The following MYH11 variants were observed in gnomAD, a reference collection of about 807,000 sequenced individuals.
MYH11 encodes myosin heavy chain 11.
A neutral mutation model predicts 246.6 loss-of-function variants in MYH11; 80 were observed. That is an observed-to-expected ratio of 0.32 (90% CI 0.27 to 0.39). MYH11 has a LOEUF of 0.39. Among genes scored for constraint, MYH11 ranks in the 10% least tolerant of loss-of-function variants. MYH11 has a pLI of 1.00. For synonymous variants in MYH11, 1,071 were observed against 1,015.5 expected, an observed-to-expected ratio of 1.05 and a Z score of -1.04; for missense variants, 2,158 against 2,546.8, an observed-to-expected ratio of 0.85 and a Z score of 3.29.
chr16:15,761,089 T>G (rs2041857802), intron 10 of MYH11, among the ~76,000 whole-genome samples: 1 of 152,106 alleles, frequency 6.6e-6, no homozygotes. Context: ...TAGATAGATT[T>G]ATTTATTTAT....
At chr16:15,730,616 T>C (rs561190691) in intron 27 of MYH11, among the ~76,000 whole-genome samples, 7 of 152,244 alleles carry the variant, frequency 4.6e-5, no homozygotes, top group African/African-American at 1.7e-4. Context: ...ACACTAGTGA[T>C]AGAACCAAAT....
rs1429519076 is a variant in MYH11, at chr16:15,759,572, G to C, written c.1401+4C>G. The stretch of plus-strand genomic sequence containing the variant: ...ATGGCTCTTAGGATCCCACCGAGCT[G>C]TACCTCAAAGATCTCAAATCCAGCT... On this transcript the variant is annotated splice_donor_region_variant and intron_variant, in intron 12 of 40. Coordinates refer to ENST00000300036, the MANE Select transcript of MYH11 (RefSeq NM_002474.3). 5 of 1,614,030 alleles carry C rather than the reference G, an allele frequency of 3.1e-6. No individual in the cohort carries two copies. In the Admixed American group the frequency reaches 5.0e-5, roughly 16 times the overall value.
intron 9 of MYH11, among the ~76,000 whole-genome samples, chr16:15,765,429 GATGGATGGATGATGGATGGATGA>G (rs2041961276): frequency 6.6e-6 from 1 of 152,036 alleles, no homozygotes; most frequent in Non-Finnish European, 1.5e-5. Flanking sequence ...ATACAGCATT[GATGGATGGATGATGGATGGATGA>G]ATGGATGGAT....
At chr16:15,739,137 T>C (rs2041202823) in intron 23 of MYH11, among the ~76,000 whole-genome samples, 1 of 151,866 alleles carries the variant, frequency 6.6e-6, no homozygotes, top group Admixed American at 6.6e-5. Flanking sequence ...TCTCACTCTG[T>C]CGCCCAGGGT....
chr16:15,705,481 A>G (rs1187544198), intron 40 of MYH11, among the ~76,000 whole-genome samples: 2 of 152,212 alleles, frequency 1.3e-5, no homozygotes, highest in African/African-American at 4.8e-5. Flanking sequence ...GCCAGCCTTC[A>G]CCGTTCAGAA....
At chr16:15,839,241 T>C (rs940701981) in intron 1 of MYH11, among the ~76,000 whole-genome samples, 14 of 151,582 alleles carry the variant, frequency 9.2e-5, no homozygotes, top group Non-Finnish European at 1.6e-4. Flanking sequence ...GGTATATAAC[T>C]GGAAACTCAG....
At chr16:15,719,139 AAAAAT>A (rs1342903676) in intron 36 of MYH11, 76 bp downstream of exon 36, 12 of 1,429,350 alleles carry the variant, frequency 8.4e-6, no homozygotes, top group Middle Eastern at 3.5e-4. Context: ...AAAAAATTTA[AAAAAT>A]AAAATGGGGG....
rs1280626629 is a variant in MYH11 at position 15,721,515 on chromosome 16, G to A, written c.4485C>T (p.Ala1495=). 4 of 1,614,046 alleles carry A rather than the reference G, an allele frequency of 2.5e-6. No homozygotes were observed. Among genetic ancestry groups the A allele is most frequent in the Admixed American group, 1.7e-5 (1 of 59,988 alleles). Residue 1495 remains alanine (A), a synonymous_variant, in exon 32 of 41, where the codon GCC becomes GCT. Coordinates refer to ENST00000300036, the MANE Select transcript of MYH11 (RefSeq NM_002474.3). ...GCTCGAGTTCCTCTTTGGCTTCCAA[G>A]GCCTCTTCAAGGGCCCGAGCCAGGG... ...ALSLARALEE[A]LEAKEELERT... is the part of the protein sequence containing the mutation.
chr16:15,735,578 C>A lies in MYH11; in HGVS notation c.3294G>T (p.Arg1098Ser). 1.9e-6 allele frequency: 3 copies of A among 1,614,204 alleles called. No homozygotes were observed. The highest frequency in any genetic ancestry group is 2.5e-6 in the Non-Finnish European group (3 of 1,180,042). The part of the protein sequence containing the change: ...KEEELQAALA[R>S]LDDEIAQKNN... The stretch of plus-strand genomic sequence containing the variant: ...TCTTCTGAGCGATTTCATCGTCAAG[C>A]CTTCCAGGGAGAGACCCAGCAGAAT... The change falls in exon 26 of 41, where the codon AGG (arginine) becomes AGT (serine). Residue 1098 changes from arginine to serine, a missense_variant and splice_region_variant. Transcript: ENST00000300036.
intron 1 of MYH11, among the ~76,000 whole-genome samples, chr16:15,856,073 G>A (rs1450960251): frequency 6.6e-6 from 1 of 152,098 alleles, no homozygotes; most frequent in African/African-American, 2.4e-5. Flanking sequence ...CATTTGGTTG[G>A]GCACGAGAGT....
rs550108687 is a variant in MYH11 at position 15,738,647 on chromosome 16, T to C, written c.3039A>G (p.Thr1013=). 1.4e-4 allele frequency: 223 copies of C among 1,613,908 alleles called. No homozygotes were observed. The highest frequency in any genetic ancestry group is 1.8e-4 in the Non-Finnish European group (214 of 1,179,898). ...CCTTTTCTTCCTCTTCTGCAAGATT[T>C]GTCGTTAAGTCACTAATCCTCTCCT... is the stretch of plus-strand genomic sequence containing the variant. The part of the protein sequence containing the change: ...LLEERISDLT[T]NLAEEEEKAK... The change falls in exon 24 of 41, where the codon ACA becomes ACG. Residue 1013 remains threonine, a synonymous_variant. Transcript: ENST00000300036.
At chr16:15,785,855 C>G (rs1353945586) in intron 5 of MYH11, 1 of 156,948 alleles carries the variant, frequency 6.4e-6, no homozygotes, top group African/African-American at 2.4e-5. Context: ...GTGTCATCAT[C>G]TGTTTATTTG....
intron 26 of MYH11, 127 bp from the exon 27 acceptor site, chr16:15,732,835 G>A: frequency 8.3e-7 from 1 of 1,208,638 alleles, no homozygotes; most frequent in African/African-American, 1.5e-5. Context: ...CTCTCTAGCT[G>A]TGTGACCTTG....
At chr16:15,797,686 T>C (rs1396047468) in intron 4 of MYH11, among the ~76,000 whole-genome samples, 1 of 151,774 alleles carries the variant, frequency 6.6e-6, no homozygotes, top group African/African-American at 2.4e-5. Context: ...AACCCCAAAA[T>C]CAATATTCAT....
intron 2 of MYH11, among the ~76,000 whole-genome samples, 192 bp downstream of exon 2, chr16:15,837,716 G>C (rs553857775): frequency 6.6e-6 from 1 of 152,070 alleles, no homozygotes; most frequent in Admixed American, 6.5e-5. Context: ...TGTATTTTTA[G>C]TAGAGACGGC....
chr16:15,793,092 T>TA, intron 4 of MYH11, among the ~76,000 whole-genome samples: 1 of 152,160 alleles, frequency 6.6e-6, no homozygotes, highest in East Asian at 1.9e-4. Context: ...AGCACCCCCT[T>TA]ACCTCTCTCT....
At chr16:15,730,027 G>A (rs1483227351) in intron 27 of MYH11, among the ~76,000 whole-genome samples, 2 of 152,044 alleles carry the variant, frequency 1.3e-5, no homozygotes, top group Non-Finnish European at 2.9e-5. Flanking sequence ...TCCCTTTGGT[G>A]CTGCCCTCAT....
At chr16:15,854,428 C>G (rs9933130) in intron 1 of MYH11, among the ~76,000 whole-genome samples, 28,819 of 152,160 alleles carry the variant, frequency 0.19, 3,353 homozygotes, top group East Asian at 0.43. Flanking sequence ...GTAGAATCTT[C>G]TTTTCCTTAC....
At chr16:15,778,075 C>G (rs1281042298) in intron 7 of MYH11, among the ~76,000 whole-genome samples, 1 of 152,150 alleles carries the variant, frequency 6.6e-6, no homozygotes, top group Non-Finnish European at 1.5e-5. Flanking sequence ...GAAGCCTGAG[C>G]CCTAGGGCCG....
Sources: allele counts gnomAD v4.1 joint callset (sites outside exome capture counted in the v4.1 genomes callset), GRCh38; gene constraint gnomAD v4.1.1; transcripts MANE v1.5; gene names NCBI Gene and HGNC (gene_info 2026-07-23, HGNC 2026-07-21).